PON1: variants seen among roughly 807,000 people sequenced by gnomAD.
The protein encoded by PON1 is paraoxonase 1, also known as serum paraoxonase/arylesterase 1.
A neutral mutation model predicts 39.2 loss-of-function variants in PON1; 37 were observed. The ratio of observed to expected loss-of-function variants is 0.94; its 90% CI spans 0.73 to 1.24. The LOEUF (loss-of-function observed/expected upper bound fraction) is 1.24, where lower values mean the gene tolerates loss of function less well. Among genes scored for constraint, PON1 ranks in the 50% most tolerant of loss-of-function variants. The probability of loss-of-function intolerance (pLI) is 0.00; values close to 1 mark genes in which losing one functional copy is unlikely to be tolerated. For synonymous variants in PON1, 148 were observed against 152.2 expected (o/e 0.97, Z 0.21); for missense variants, 397 against 413.5 (o/e 0.96, Z 0.35).
chr7:95,319,407 A>G (rs369823125), intron 1 of PON1, among the ~76,000 whole-genome samples: 4 of 152,198 alleles, frequency 2.6e-5, no homozygotes, highest in East Asian at 3.9e-4. Context: ...TCCTACCATC[A>G]GGCCACTGGC....
At chr7:95,316,863 C>T in intron 2 of PON1, 74 bp from the exon 3 acceptor site, 1 of 1,135,468 alleles carries the variant, frequency 8.8e-7, no homozygotes, top group East Asian at 2.3e-5. Context: ...CTTTATCACA[C>T]CTCACTTGAA....
Position 95,299,035 on chromosome 7 carries a change from G to A in PON1, c.977C>T (p.Thr326Ile). 1 of 1,614,008 alleles carries A rather than the reference G, an allele frequency of 6.2e-7. No homozygotes were observed. Among genetic ancestry groups the A allele is most frequent in the Non-Finnish European group, 8.5e-7 (1 of 1,179,892 alleles). ...GGCAACTGTACTGCCTTGCAACACT[G>A]TGCCATTTTCTGCATAAACCTGTGT... Reference protein sequence around the residue: ...KVTQVYAENGTVLQGSTVASV... With the variant: ...KVTQVYAENGIVLQGSTVASV... Residue 326 changes from threonine (T) to isoleucine (I), a missense_variant, in exon 9 of 9, where the codon ACA (threonine) becomes ATA (isoleucine). Physicochemically the swap from Thr to Ile is moderately conservative, Grantham distance 89 (BLOSUM62 -1). Transcript: ENST00000222381.
rs575581470 is a variant in PON1 at position 95,311,655 on chromosome 7, A to G, written c.371-78T>C. The G allele has an allele frequency of 4.3e-5, 63 of 1,460,130 alleles. 1 individual carries two copies. In the Admixed American group the frequency reaches 7.5e-4, roughly 17 times the overall value. The allele number at this position is 1,460,130 out of a possible 1,614,324, so 90.4% of individuals were successfully genotyped here. A position where few individuals can be genotyped will look rare whatever the true frequency, so the allele number is the denominator to read the frequency against. On this transcript the variant is annotated intron_variant, in intron 4 of 8. Coordinates refer to ENST00000222381, the MANE Select transcript of PON1 (RefSeq NM_000446.7). ...GCCCTCTCTCCAAAAACCAATTTCA[A>G]CCCACCTCCAGCTAGTAGTTAGGAT... is the stretch of plus-strand genomic sequence containing the variant.
chr7:95,302,108 A>AAAAAAAAG, intron 8 of PON1, 97 bp downstream of exon 8: 1 of 810,538 alleles, frequency 1.2e-6, no homozygotes, highest in East Asian at 4.8e-5. Flanking sequence ...AAAAAAAAAA[A>AAAAAAAAG]AAAAAAAAAA....
At chr7:95,319,131 CTT>C (rs369225812) in intron 1 of PON1, among the ~76,000 whole-genome samples, 5 of 138,350 alleles carry the variant, frequency 3.6e-5, no homozygotes, top group Non-Finnish European at 3.1e-5. Flanking sequence ...AAACAATAAA[CTT>C]TTTTTTTTTT....
At chr7:95,320,091 G>C (rs1192245611) in intron 1 of PON1, among the ~76,000 whole-genome samples, 1 of 152,174 alleles carries the variant, frequency 6.6e-6, no homozygotes, top group Non-Finnish European at 1.5e-5. Context: ...TCATAACCGA[G>C]GACAACACAA....
intron 8 of PON1, among the ~76,000 whole-genome samples, chr7:95,299,572 G>C (rs1291505391): frequency 6.6e-6 from 1 of 152,034 alleles, no homozygotes; most frequent in Non-Finnish European, 1.5e-5. Context: ...ATCTGGGTGG[G>C]CACAATCTAA....
At chr7:95,307,329 A>G (rs747982827) in intron 6 of PON1, among the ~76,000 whole-genome samples, 2 of 152,144 alleles carry the variant, frequency 1.3e-5, no homozygotes, top group Non-Finnish European at 2.9e-5. Context: ...CTAGGATTAC[A>G]GGCATGAACC....
At position 95,306,288 on chromosome 7, in the gene PON1, C is replaced by G; in HGVS notation, c.777G>C (p.Leu259Phe). 2 of 1,603,312 alleles carry G rather than the reference C, an allele frequency of 1.2e-6. No homozygotes were observed. The highest frequency in any genetic ancestry group is 1.7e-6 in the Non-Finnish European group (2 of 1,170,390). ...EKHANWTLTP[L>F]KSLDFNTLVD... ...TTACAGTGTTAATACGTCTTACCTTCAATGGAGTTAAAGTCCAATTAGCAT... is the reference window on the plus strand; with the variant it reads ...TTACAGTGTTAATACGTCTTACCTTGAATGGAGTTAAAGTCCAATTAGCAT... Residue 259 changes from leucine (L) to phenylalanine (F), a missense_variant, in exon 7 of 9, where the codon TTG becomes TTC. Leu to Phe is a conservative substitution (Grantham distance 22). Coordinates refer to ENST00000222381, the MANE Select transcript of PON1 (RefSeq NM_000446.7).
chr7:95,306,617 C>T (rs925738814), intron 6 of PON1, among the ~76,000 whole-genome samples: 3 of 152,184 alleles, frequency 2.0e-5, no homozygotes, highest in East Asian at 1.9e-4. Flanking sequence ...TTAGCCCTAA[C>T]ACTAACTTTT....
intron 4 of PON1, 32 bp from the exon 5 acceptor site, chr7:95,311,609 T>C: frequency 1.2e-6 from 2 of 1,613,426 alleles, no homozygotes; most frequent in Non-Finnish European, 1.7e-6. Flanking sequence ...AAATGAAACA[T>C]TAACTAAGCT....
chr7:95,313,097 G>A (rs1310410231), intron 4 of PON1, among the ~76,000 whole-genome samples: 1 of 152,222 alleles, frequency 6.6e-6, no homozygotes, highest in Non-Finnish European at 1.5e-5. Context: ...TAAAAGGCAG[G>A]AAAGGTCATG....
chr7:95,309,512 T>C (rs763336224), intron 5 of PON1, among the ~76,000 whole-genome samples: 1 of 152,166 alleles, frequency 6.6e-6, no homozygotes, highest in Non-Finnish European at 1.5e-5. Flanking sequence ...GAAAATTTAC[T>C]ACCCCCAGGT....
chr7:95,304,642 T>A lies in PON1; in HGVS notation c.780+1643A>T, dbSNP rs550587630. Among the ~76,000 whole-genome samples the A allele has an allele frequency of 4.6e-5, 7 of 152,278 alleles. No individual in the cohort carries two copies. The South Asian group carries it at 1.4e-3, about 32-fold the overall frequency. On this transcript the variant is annotated intron_variant, in intron 7 of 8. Transcript: ENST00000222381. The stretch of plus-strand genomic sequence containing the variant: ...CCACCGCACCCGGCCAAGAACTTCA[T>A]TCCTTTTTAAGGCTGAACAATATCC...
chr7:95,315,274 T>A (rs866630477), intron 4 of PON1, 48 bp downstream of exon 4: 1 of 1,501,508 alleles, frequency 6.7e-7, no homozygotes, highest in Middle Eastern at 2.2e-4. Context: ...TTTTTCTGTT[T>A]TTGTTTTAAG....
At chr7:95,308,294 T>C (rs1189223340) in intron 5 of PON1, 83 bp from the exon 6 acceptor site, 3 of 1,316,904 alleles carry the variant, frequency 2.3e-6, no homozygotes, top group Non-Finnish European at 2.2e-6. Flanking sequence ...CCTCACTGTC[T>C]ATTCCTAAAA....
chr7:95,312,082 G>A (rs929013678), intron 4 of PON1, among the ~76,000 whole-genome samples: 14 of 152,200 alleles, frequency 9.2e-5, no homozygotes, highest in Non-Finnish European at 1.8e-4. Context: ...CAGTCTAAGC[G>A]GTCAAGAATG....
intron 8 of PON1, 123 bp from the exon 9 acceptor site, chr7:95,299,225 G>C: frequency 1.8e-6 from 2 of 1,113,788 alleles, no homozygotes; most frequent in South Asian, 1.3e-5. Flanking sequence ...ATCCTATTTT[G>C]TTCCAAAATT....
At chr7:95,321,779 GACCCCT>G (rs1807904459) in intron 1 of PON1, among the ~76,000 whole-genome samples, 1 of 152,078 alleles carries the variant, frequency 6.6e-6, no homozygotes, top group Non-Finnish European at 1.5e-5. Context: ...CCACTGGAAA[GACCCCT>G]ACTCATGATG....
Sources: allele counts gnomAD v4.1 joint callset (sites outside exome capture counted in the v4.1 genomes callset), GRCh38; gene constraint gnomAD v4.1.1; transcripts MANE v1.5; gene names NCBI Gene and HGNC (gene_info 2026-07-23, HGNC 2026-07-21).